Variants in EP400 observed in about 807,000 individuals in gnomAD.
The protein encoded by EP400 is E1A-binding protein p400.
In EP400, 105 loss-of-function variants were observed where a neutral mutation model predicts 354.1. That is an observed-to-expected ratio of 0.30 (90% CI 0.25 to 0.35). The LOEUF (loss-of-function observed/expected upper bound fraction) is 0.35, where lower values mean the gene tolerates loss of function less well. Among genes scored for constraint, EP400 ranks in the 10% least tolerant of loss-of-function variants. The pLI is 1.00. For missense variants in EP400, 3,280 were observed against 4,121.0 expected (o/e 0.80, Z 5.59); for synonymous variants, 1,646 against 1,716.9 (o/e 0.96, Z 1.02).
At chr12:131,987,680 A>G (rs774874628) in intron 6 of EP400, 25 bp from the exon 7 acceptor site, 3 of 1,543,858 alleles carry the variant, frequency 1.9e-6, no homozygotes, top group Non-Finnish European at 2.6e-6. Flanking sequence ...TGCCGACCCC[A>G]CCATCCCCCA....
chr12:131,967,209 C>T (rs1375242363), intron 2 of EP400, among the ~76,000 whole-genome samples: 3 of 151,178 alleles, frequency 2.0e-5, no homozygotes, highest in Admixed American at 6.6e-5. Context: ...AGTGAAACCC[C>T]GTCTCTACTA....
chr12:132,029,897 G>A lies in EP400; in HGVS notation c.5578G>A (p.Asp1860Asn), dbSNP rs765333677. ...QFPELRLVQFDSGKLEALAIL... is the reference protein window; with the variant it reads ...QFPELRLVQFNSGKLEALAIL... ...CCCTGAGCTGAGGCTGGTGCAGTTC[G>A]ACTCAGGTATGCGGCAGTTGGGGGC... The change falls in exon 28 of 53, where the codon GAC becomes AAC. Residue 1860 changes from aspartate (D) to asparagine (N), a missense_variant. Physicochemically the swap from Asp to Asn is conservative, Grantham distance 23. Around this residue, in one of 20 missense-constraint regions of EP400, gnomAD observed 459 missense variants for 496.9 expected, o/e 0.92. Coordinates refer to ENST00000389561, the MANE Select transcript of EP400 (RefSeq NM_015409.5). The surrounding 1 kb of genome is among the most constrained non-coding windows in gnomAD (Gnocchi z 4.7). The A allele has an allele frequency of 3.1e-6, 5 of 1,612,080 alleles. No individual in the cohort carries two copies. The highest frequency in any genetic ancestry group is 2.2e-5 in the East Asian group (1 of 44,884).
intron 15 of EP400, among the ~76,000 whole-genome samples, chr12:132,007,254 A>C (rs1333516802): frequency 6.6e-6 from 1 of 152,226 alleles, no homozygotes; most frequent in African/African-American, 2.4e-5. Flanking sequence ...GGTTTGTGGC[A>C]TGCATCTTGG....
chr12:132,045,012 A>G, intron 37 of EP400, 59 bp downstream of exon 37: 1 of 1,595,728 alleles, frequency 6.3e-7, no homozygotes, highest in Non-Finnish European at 8.5e-7. Flanking sequence ...GAATCCCTGC[A>G]TGTCAGCCAC....
rs1896313733 is a variant in EP400, at chr12:132,078,919, C to CA, written c.*1247dup. ...ATGCAATTTTAGTGGAATTGATTGA[C>CA]AGTGTCTCCTTACTTTGAAGTTTTC... On this transcript the variant is annotated 3_prime_UTR_variant, in exon 53 of 53. Transcript: ENST00000389561. 6.6e-6 allele frequency: 1 copy of CA among 152,174 alleles called. No homozygotes were observed. Among genetic ancestry groups the CA allele is most frequent in the South Asian group, 2.1e-4 (1 of 4,826 alleles). The allele number at this position is 152,174 out of a possible 1,614,324, so 9.4% of individuals were successfully genotyped here.
At chr12:131,966,805 G>A (rs1216885101) in intron 2 of EP400, among the ~76,000 whole-genome samples, 2 of 149,966 alleles carry the variant, frequency 1.3e-5, no homozygotes, top group African/African-American at 4.9e-5. Context: ...TTGGGAGGCT[G>A]AGGCAGGAGA....
At chr12:132,066,731 G>A in intron 48 of EP400, 43 bp from the exon 49 acceptor site, 1 of 1,574,992 alleles carries the variant, frequency 6.3e-7, no homozygotes, top group Non-Finnish European at 8.6e-7. Context: ...GACATACCGT[G>A]TCCTGAATTT....
chr12:131,963,395 T>C (rs1219876809), intron 2 of EP400: 20 of 654,166 alleles, frequency 3.1e-5, no homozygotes, highest in Non-Finnish European at 5.4e-5. Context: ...TTCAGTATCC[T>C]TTCACAGGAA....
intron 5 of EP400, among the ~76,000 whole-genome samples, chr12:131,985,628 A>G (rs1342003905): frequency 1.3e-5 from 2 of 152,060 alleles, no homozygotes; most frequent in Non-Finnish European, 2.9e-5. Flanking sequence ...TTTTTTTGAG[A>G]CGGAGTTTTG....
rs766737793 is a variant in EP400 at position 131,961,067 on chromosome 12, G to A, written c.448G>A (p.Val150Met). The A allele has an allele frequency of 4.4e-6, 7 of 1,587,304 alleles. No homozygotes were observed. In the East Asian group the frequency reaches 1.2e-4, roughly 26 times the overall value. ...GGGGCCGGGGCAGGCCTTGCAGAATGTGCGTGCAGGTGCCCCTGGCCCTGG... is the reference window on the plus strand; with the variant it reads ...GGGGCCGGGGCAGGCCTTGCAGAATATGCGTGCAGGTGCCCCTGGCCCTGG... ...SPGPGQALQN[V>M]RAGAPGPGLG... Residue 150 changes from valine to methionine, a missense_variant, in exon 2 of 53, where the codon GTG becomes ATG. Val to Met is a conservative substitution (Grantham distance 21). Around this residue, in one of 20 missense-constraint regions of EP400, gnomAD observed 172 missense variants for 242.9 expected, o/e 0.71. Coordinates refer to ENST00000389561, the MANE Select transcript of EP400 (RefSeq NM_015409.5).
chr12:132,065,073 G>C, intron 48 of EP400, 187 bp downstream of exon 48: 1 of 1,090,678 alleles, frequency 9.2e-7, no homozygotes, highest in South Asian at 1.7e-5. Flanking sequence ...TAACACAGCA[G>C]CAGCTCCCAG....
chr12:132,028,934 A>T (rs866004365), intron 27 of EP400: 1 of 152,680 alleles, frequency 6.5e-6, no homozygotes, highest in African/African-American at 2.4e-5. Flanking sequence ...AGCTTTCAGG[A>T]TCTACCTATT....
chr12:131,994,843 G>T lies in EP400; in HGVS notation c.2738-24G>T. Reference sequence around the variant, plus strand: ...CACTCAAGTGGTGTTGCCTCTCAGTGACACTTGCTGATAACCATTTTAGTG... The same window carrying T: ...CACTCAAGTGGTGTTGCCTCTCAGTTACACTTGCTGATAACCATTTTAGTG... On this transcript the variant is annotated intron_variant, in intron 11 of 52. Coordinates refer to ENST00000389561, the MANE Select transcript of EP400 (RefSeq NM_015409.5). This position sits in a 1 kb window ranked among gnomAD's most constrained non-coding sequence, Gnocchi z 4.6. 1 of 1,609,528 alleles carries T rather than the reference G, an allele frequency of 6.2e-7. No homozygotes were observed. Among genetic ancestry groups the T allele is most frequent in the South Asian group, 1.1e-5 (1 of 90,764 alleles).
Position 131,965,612 on chromosome 12 carries a change from T to A in EP400, c.1335+3658T>A, listed in dbSNP as rs145592154. Among the ~76,000 whole-genome samples the A allele has an allele frequency of 4.9e-3, 753 of 152,258 alleles. 3 individuals carry two copies. Among genetic ancestry groups the A allele is most frequent in the Non-Finnish European group, 7.8e-3 (530 of 68,014 alleles). On this transcript the variant is annotated intron_variant, in intron 2 of 52. Transcript: ENST00000389561. Reference sequence around the variant, plus strand: ...GTCAAGCAACAGAAGCTCCATCACCTCCCAAAATGTTCCCTCATCAACCCT... The same window carrying A: ...GTCAAGCAACAGAAGCTCCATCACCACCCAAAATGTTCCCTCATCAACCCT...
At chr12:132,057,211 A>C (rs1288707431) in intron 45 of EP400, among the ~76,000 whole-genome samples, 2 of 152,236 alleles carry the variant, frequency 1.3e-5, no homozygotes, top group African/African-American at 4.8e-5. Flanking sequence ...CCTCAACACC[A>C]ATGTTTATAG....
At chr12:132,068,531 G>C (rs538152613) in intron 50 of EP400, 2 of 152,476 alleles carry the variant, frequency 1.3e-5, no homozygotes, top group East Asian at 3.9e-4. Flanking sequence ...AAGCCCTGCT[G>C]GTGTGCAGCA....
At chr12:131,950,939 A>C (rs1891455651) in intron 1 of EP400, among the ~76,000 whole-genome samples, 1 of 150,888 alleles carries the variant, frequency 6.6e-6, no homozygotes, top group Non-Finnish European at 1.5e-5. Context: ...TCTCTCTGTC[A>C]CCCAGGCTGG....
In EP400 at chr12:132,003,301, C is replaced by T. The variant is rs1893479977; in HGVS notation, c.2828-1776C>T. Among the ~76,000 whole-genome samples, 5 of 151,538 alleles carry T rather than the reference C, an allele frequency of 3.3e-5. No individual in the cohort carries two copies. The South Asian group carries it at 1.0e-3, about 31-fold the overall frequency. On this transcript the variant is annotated intron_variant, in intron 12 of 52. Transcript: ENST00000389561. ...CAAAAAAATGTGTAACAACTATTTA[C>T]ATAGCATTCACATTGTATTAGGTAT...
chr12:132,077,444 G>C lies in EP400; in HGVS notation c.9143G>C (p.Gly3048Ala). 6.2e-7 allele frequency: 1 copy of C among 1,612,984 alleles called. No homozygotes were observed. The highest frequency in any genetic ancestry group is 8.5e-7 in the Non-Finnish European group (1 of 1,179,948). Residue 3048 changes from glycine to alanine, a missense_variant, in exon 53 of 53, where the codon GGG (glycine) becomes GCG (alanine). By Grantham distance (60) the Gly-to-Ala change is moderately conservative. Transcript: ENST00000389561. ...TVALTQATAA[G>A]QQVQMIPAVT... The stretch of plus-strand genomic sequence containing the variant: ...GCGCTCACGCAGGCGACGGCGGCCG[G>C]GCAGCAGGTGCAGATGATCCCTGCA...
Sources: gnomAD v4.1 joint callset for allele counts (sites outside exome capture counted in the v4.1 genomes callset) on GRCh38, gnomAD v4.1.1 for gene constraint, gnomAD v4.1.1 regional missense constraint, Gnocchi (gnomAD v3.1) non-coding constraint, MANE v1.5 for transcripts, NCBI Gene and HGNC (gene_info 2026-07-23, HGNC 2026-07-21) for gene names.